JARID2: variants seen among roughly 807,000 people sequenced by gnomAD.
JARID2 encodes the protein protein Jumonji.
Under a neutral mutation model 125.6 loss-of-function variants are expected in JARID2, and 21 were observed. The ratio of observed to expected loss-of-function variants is 0.17; its 90% CI spans 0.12 to 0.24. The LOEUF is 0.24. JARID2 is among the 10% of genes least tolerant of loss of function. JARID2 has a pLI of 1.00. For missense variants in JARID2, 1,303 were observed against 1,639.6 expected, an observed-to-expected ratio of 0.79 and a Z score of 3.55; for synonymous variants, 736 against 661.6, an observed-to-expected ratio of 1.11 and a Z score of -1.73.
rs911829290 is a variant in JARID2, at chr6:15,422,695, C to T, written c.323+12330C>T. On this transcript the variant is annotated intron_variant, in intron 3 of 17. Transcript: ENST00000341776. ...GCTTCCCCATCAGGAAATAGAGCCC[C>T]ACCATGGGTGTCTACACAATAGATG... Among the ~76,000 whole-genome samples the T allele has an allele frequency of 5.9e-5, 9 of 152,152 alleles. No individual in the cohort carries two copies. In the South Asian group the frequency reaches 6.2e-4, roughly 11 times the overall value.
chr6:15,373,818 G>T (rs576877569), intron 1 of JARID2, among the ~76,000 whole-genome samples: 1 of 152,250 alleles, frequency 6.6e-6, no homozygotes, highest in Admixed American at 6.5e-5. Context: ...TCTGAACTTT[G>T]TCAGGAATAT....
intron 2 of JARID2, among the ~76,000 whole-genome samples, chr6:15,399,558 A>G (rs1765346408): frequency 6.6e-6 from 1 of 152,148 alleles, no homozygotes; most frequent in Admixed American, 6.6e-5. Flanking sequence ...TGATGTAAGA[A>G]GTTGTGGCAT....
chr6:15,405,664 T>C (rs1765619444), intron 2 of JARID2, among the ~76,000 whole-genome samples: 1 of 151,794 alleles, frequency 6.6e-6, no homozygotes, highest in Non-Finnish European at 1.5e-5. Flanking sequence ...AGGTTTGTGT[T>C]GGTCGGGGTG....
At chr6:15,291,513 A>G (rs1229328147) in intron 1 of JARID2, among the ~76,000 whole-genome samples, 3 of 152,180 alleles carry the variant, frequency 2.0e-5, no homozygotes, top group Non-Finnish European at 4.4e-5. Flanking sequence ...CGCTTAAATG[A>G]AGAAGGGGAG....
chr6:15,403,950 G>A (rs2127559268), intron 2 of JARID2, among the ~76,000 whole-genome samples: 1 of 152,252 alleles, frequency 6.6e-6, no homozygotes, highest in East Asian at 1.9e-4. Flanking sequence ...ACCGGAATGG[G>A]AAATCTCCAT....
chr6:15,293,392 G>A (rs1215953091), intron 1 of JARID2, among the ~76,000 whole-genome samples: 4 of 152,184 alleles, frequency 2.6e-5, no homozygotes, highest in Non-Finnish European at 5.9e-5. Context: ...TCCAGCCTGG[G>A]TGATAGAGCA....
intron 1 of JARID2, chr6:15,247,944 C>G: frequency 1.0e-6 from 1 of 985,488 alleles, no homozygotes; most frequent in Non-Finnish European, 1.2e-6. Context: ...AGCGTGGACG[C>G]CTTCCCGGGG....
At chr6:15,337,353 T>C (rs982676174) in intron 1 of JARID2, among the ~76,000 whole-genome samples, 1 of 152,250 alleles carries the variant, frequency 6.6e-6, no homozygotes, top group African/African-American at 2.4e-5. Context: ...AGAGGTGCCA[T>C]GTATGTGTCT....
chr6:15,511,707 C>T (rs531670205), intron 13 of JARID2, among the ~76,000 whole-genome samples: 1 of 152,200 alleles, frequency 6.6e-6, no homozygotes, highest in Non-Finnish European at 1.5e-5. Flanking sequence ...GGAATGAGCA[C>T]AAAGGCTTCT....
rs758467593 is a variant in JARID2 at position 15,521,908 on chromosome 6, C to T, written c.*1657C>T. 3 of 152,304 alleles carry T rather than the reference C, an allele frequency of 2.0e-5. No individual in the cohort carries two copies. Among genetic ancestry groups the T allele is most frequent in the South Asian group, 2.1e-4 (1 of 4,824 alleles). 9.4% of individuals were successfully genotyped at this position (152,304 alleles called of 1,614,324 possible). Reference sequence around the variant, plus strand: ...TACAGTTTGACATTTAATTTATTAGCGCTGCTCTGCACCCCTCCCTTGGGA... The same window carrying T: ...TACAGTTTGACATTTAATTTATTAGTGCTGCTCTGCACCCCTCCCTTGGGA... On this transcript the variant is annotated 3_prime_UTR_variant, in exon 18 of 18. Transcript: ENST00000341776.
intron 1 of JARID2, among the ~76,000 whole-genome samples, chr6:15,357,190 G>GT (rs1763633475): frequency 3.9e-5 from 6 of 152,176 alleles, no homozygotes. Flanking sequence ...AAAGTCATGC[G>GT]TTTTTTCATT....
chr6:15,279,200 G>A (rs991101010), intron 1 of JARID2, among the ~76,000 whole-genome samples: 1 of 150,312 alleles, frequency 6.7e-6, no homozygotes, highest in African/African-American at 2.5e-5. Context: ...ACTAAATACA[G>A]TGTGGTTGTG....
intron 1 of JARID2, among the ~76,000 whole-genome samples, chr6:15,316,303 G>C (rs757207778): frequency 6.6e-6 from 1 of 152,056 alleles, no homozygotes; most frequent in Non-Finnish European, 1.5e-5. Flanking sequence ...TTGAACTCCT[G>C]AACTCAAGTG....
intron 1 of JARID2, among the ~76,000 whole-genome samples, chr6:15,249,576 A>G (rs1303716923): frequency 5.9e-5 from 9 of 152,202 alleles, no homozygotes; most frequent in Non-Finnish European, 1.2e-4. Context: ...TGAAAAGATC[A>G]TGTGCATGGA....
At chr6:15,459,512 T>C (rs1223314130) in intron 4 of JARID2, among the ~76,000 whole-genome samples, 2 of 152,214 alleles carry the variant, frequency 1.3e-5, no homozygotes, top group Non-Finnish European at 2.9e-5. Context: ...GTTGATTCCA[T>C]GGGTGCAGAA....
At chr6:15,342,475 T>C (rs948632096) in intron 1 of JARID2, among the ~76,000 whole-genome samples, 1 of 152,204 alleles carries the variant, frequency 6.6e-6, no homozygotes, top group Non-Finnish European at 1.5e-5. Context: ...CTAGAATTTA[T>C]TAGCACCTAC....
chr6:15,457,105 C>A lies in JARID2; in HGVS notation c.493+4930C>A, dbSNP rs561893006. Among the ~76,000 whole-genome samples the A allele has an allele frequency of 4.6e-5, 7 of 152,040 alleles. No individual in the cohort carries two copies. The South Asian group carries it at 8.3e-4, about 18-fold the overall frequency. ...CTGAAATGATATTGCATTATACTTT[C>A]GTTTTTGCAGTCTGATTTTCCTACT... On this transcript the variant is annotated intron_variant, in intron 4 of 17. Transcript: ENST00000341776.
chr6:15,265,321 G>C (rs184415028), intron 1 of JARID2, among the ~76,000 whole-genome samples: 5 of 151,178 alleles, frequency 3.3e-5, no homozygotes, highest in African/African-American at 7.3e-5. Flanking sequence ...GGTGCTTGCT[G>C]AGTTCTTGTC....
At chr6:15,256,940 G>A (rs191524970) in intron 1 of JARID2, among the ~76,000 whole-genome samples, 92 of 152,222 alleles carry the variant, frequency 6.0e-4, no homozygotes, top group Admixed American at 1.4e-3. Context: ...TAGTGGGAGG[G>A]AATCGGTATG....
Sources: allele counts gnomAD v4.1 joint callset (sites outside exome capture counted in the v4.1 genomes callset), GRCh38; gene constraint gnomAD v4.1.1; transcripts MANE v1.5; gene names NCBI Gene and HGNC (gene_info 2026-07-23, HGNC 2026-07-21).